The following SDAD1 variants were observed in gnomAD, a reference collection of about 807,000 sequenced individuals.
SDAD1 encodes the protein protein SDA1 homolog.
Under a neutral mutation model 100.3 loss-of-function variants are expected in SDAD1, and 79 were observed. The ratio of observed to expected loss-of-function variants is 0.79; its 90% CI spans 0.66 to 0.95. SDAD1 has a LOEUF of 0.95. Ranked by LOEUF, SDAD1 falls within the 40% of genes least tolerant of loss-of-function variation. SDAD1 has a pLI of 0.00. For missense variants in SDAD1, 790 were observed against 810.9 expected (o/e 0.97, Z 0.31); for synonymous variants, 267 against 271.4 (o/e 0.98, Z 0.16).
intron 10 of SDAD1, 61 bp from the exon 11 acceptor site, chr4:75,969,460 A>C: frequency 9.0e-7 from 1 of 1,116,072 alleles, no homozygotes; most frequent in Non-Finnish European, 1.4e-6. Context: ...ACATTTATGT[A>C]ACAGGCGTAG....
intron 1 of SDAD1, among the ~76,000 whole-genome samples, chr4:75,984,465 C>T (rs1374057089): frequency 1.3e-5 from 2 of 152,118 alleles, no homozygotes; most frequent in East Asian, 1.9e-4. Flanking sequence ...TAGCACCTGG[C>T]TCCCCTCTTT....
At chr4:75,957,185 T>C in intron 20 of SDAD1, 140 bp downstream of exon 20, 2 of 658,470 alleles carry the variant, frequency 3.0e-6, no homozygotes, top group Non-Finnish European at 5.2e-6. Context: ...CTAATATCTG[T>C]GCATTTTAAT....
At chr4:75,989,845 CAT>C (rs1731132026) in intron 1 of SDAD1, among the ~76,000 whole-genome samples, 1 of 152,068 alleles carries the variant, frequency 6.6e-6, no homozygotes, top group Non-Finnish European at 1.5e-5. Flanking sequence ...AAAAAGCACT[CAT>C]AAAATACATA....
intron 21 of SDAD1, among the ~76,000 whole-genome samples, chr4:75,955,075 A>G (rs921544876): frequency 8.5e-5 from 13 of 152,156 alleles, no homozygotes; most frequent in Non-Finnish European, 2.9e-5. Flanking sequence ...ATCTTGCTAA[A>G]CGTAGGTTAT....
At chr4:75,964,331 G>A (rs1027544861) in intron 13 of SDAD1, 120 bp from the exon 14 acceptor site, 9 of 682,372 alleles carry the variant, frequency 1.3e-5, no homozygotes, top group African/African-American at 1.1e-4. Context: ...CTTCAGTTTA[G>A]GAATTGGAAG....
At position 75,950,825 on chromosome 4, in the gene SDAD1, G is replaced by C. The variant is rs201934600; in HGVS notation, c.2017-28C>G. 2.2e-5 allele frequency: 34 copies of C among 1,523,716 alleles called. No individual in the cohort carries two copies. In the East Asian group the frequency reaches 7.3e-4, roughly 33 times the overall value. The allele number at this position is 1,523,716 out of a possible 1,614,324, so 94.4% of individuals were successfully genotyped here. On this transcript the variant is annotated intron_variant, in intron 21 of 21. Transcript: ENST00000356260. ...GTAAGATAAAAAAGTATTGAAACAT[G>C]ATAACTCTTGGGTACCCTATTATAC... is the stretch of plus-strand genomic sequence containing the variant.
intron 1 of SDAD1, among the ~76,000 whole-genome samples, chr4:75,983,648 T>C (rs1730688287): frequency 6.6e-6 from 1 of 152,086 alleles, no homozygotes; most frequent in Non-Finnish European, 1.5e-5. Flanking sequence ...TTTTTTTTTC[T>C]TGTAAATTTG....
chr4:75,980,454 C>T (rs150086423), intron 3 of SDAD1, among the ~76,000 whole-genome samples: 11 of 152,250 alleles, frequency 7.2e-5, no homozygotes, highest in Middle Eastern at 3.4e-3. Context: ...ATCATATTTG[C>T]GTACTTATCT....
At chr4:75,955,461 A>G (rs1337594965) in intron 21 of SDAD1, among the ~76,000 whole-genome samples, 2 of 152,138 alleles carry the variant, frequency 1.3e-5, no homozygotes, top group Non-Finnish European at 2.9e-5. Flanking sequence ...CAGATCCCGC[A>G]ATAATCACTG....
intron 3 of SDAD1, 27 bp downstream of exon 3, chr4:75,981,345 A>T (rs1730497879): frequency 6.2e-7 from 1 of 1,607,378 alleles, no homozygotes; most frequent in Non-Finnish European, 8.5e-7. Flanking sequence ...ACACAGCACA[A>T]TTTATTCATC....
chr4:75,979,644 A>G (rs1014901651), intron 3 of SDAD1, among the ~76,000 whole-genome samples: 18 of 151,904 alleles, frequency 1.2e-4, no homozygotes, highest in South Asian at 2.1e-4. Context: ...TAGTAGAGAC[A>G]GGGTTTCTCC....
intron 6 of SDAD1, 52 bp downstream of exon 6, chr4:75,975,692 T>C: frequency 1.6e-6 from 2 of 1,222,860 alleles, no homozygotes; most frequent in Non-Finnish European, 2.4e-6. Context: ...TCTGTATTAA[T>C]TACAAATGAA....
chr4:75,962,698 T>A (rs1399117994), intron 14 of SDAD1, among the ~76,000 whole-genome samples: 1 of 152,272 alleles, frequency 6.6e-6, no homozygotes, highest in Non-Finnish European at 1.5e-5. Context: ...AAATGTCTTC[T>A]TTTGAGAAGC....
rs767092375 is a variant in SDAD1 at position 75,956,218 on chromosome 4, G to A, written c.1855-82C>T. On this transcript the variant is annotated intron_variant, in intron 20 of 21. Coordinates refer to ENST00000356260, the MANE Select transcript of SDAD1 (RefSeq NM_018115.4). ...TAATCAACATTAATGTCTCCTCTGT[G>A]TCAGAAGCTCTACTAGGTGCCAAGG... 315 of 1,449,070 alleles carry A rather than the reference G, an allele frequency of 2.2e-4. 1 individual carries two copies. The highest frequency in any genetic ancestry group is 2.8e-4 in the Non-Finnish European group (302 of 1,074,512). The allele number at this position is 1,449,070 out of a possible 1,614,324, so 89.8% of individuals were successfully genotyped here.
At chr4:75,983,642 T>C (rs1009622834) in intron 1 of SDAD1, among the ~76,000 whole-genome samples, 23 of 152,218 alleles carry the variant, frequency 1.5e-4, no homozygotes, top group Non-Finnish European at 1.9e-4. Flanking sequence ...TGGGGTTTTT[T>C]TTTTCTTGTA....
rs1355243904 is a variant in SDAD1 at position 75,950,758 on chromosome 4, T to C, written c.2056A>G (p.Met686Val). Residue 686 changes from methionine to valine, a missense_variant, in exon 22 of 22, where the codon ATG (methionine) becomes GTG (valine). By Grantham distance (21) the Met-to-Val change is conservative. Transcript: ENST00000356260. ...RDALLKKRKR[M>V]K ...GAAAACTTGCCAGGAAGTTACTTCA[T>C]TCTTTTTCTCTTTTTCAAAAGTGCA... 5 of 1,592,466 alleles carry C rather than the reference T, an allele frequency of 3.1e-6. No individual in the cohort carries two copies. The African/African-American group carries it at 5.4e-5, about 17-fold the overall frequency.
In SDAD1 at chr4:75,976,972, A is replaced by G. The variant is rs977613991; in HGVS notation, c.405+674T>C. Among the ~76,000 whole-genome samples the G allele has an allele frequency of 5.3e-5, 8 of 152,090 alleles. No individual in the cohort carries two copies. The South Asian group carries it at 1.0e-3, about 20-fold the overall frequency. On this transcript the variant is annotated intron_variant, in intron 4 of 21. Coordinates refer to ENST00000356260, the MANE Select transcript of SDAD1 (RefSeq NM_018115.4). ...ATTTTTCTTTCCTTTTTTTCTTTAA[A>G]TACAGCAGTGGTCTTGCTGTGTTGC...
intron 12 of SDAD1, among the ~76,000 whole-genome samples, chr4:75,966,112 T>C (rs547291505): frequency 2.0e-5 from 3 of 152,294 alleles, no homozygotes; most frequent in African/African-American, 7.2e-5. Flanking sequence ...CACTTATCTT[T>C]ACCTGGACAT....
At position 75,964,119 on chromosome 4, in the gene SDAD1, A is replaced by G. The variant is rs147879795; in HGVS notation, c.1181+16T>C. 9.0e-5 allele frequency: 141 copies of G among 1,572,372 alleles called. No homozygotes were observed. Among genetic ancestry groups the G allele is most frequent in the Middle Eastern group, 2.1e-4 (1 of 4,864 alleles). ...TTAAACAATGTATCTTCTGCCTCCA[A>G]CCAGATTCTACATACCCTACTGTCA... On this transcript the variant is annotated intron_variant, in intron 14 of 21. Transcript: ENST00000356260.
Sources: allele counts gnomAD v4.1 joint callset (sites outside exome capture counted in the v4.1 genomes callset), GRCh38; gene constraint gnomAD v4.1.1; transcripts MANE v1.5; gene names NCBI Gene and HGNC (gene_info 2026-07-23, HGNC 2026-07-21).